Variants in NTRK2 observed in about 807,000 individuals in gnomAD.
NTRK2 encodes the protein neurotrophic receptor tyrosine kinase 2.
NTRK2 carries 13 observed loss-of-function variants against 94.5 expected under a neutral mutation model. The ratio of observed to expected loss-of-function variants is 0.14; its 90% confidence interval spans 0.09 to 0.22. The LOEUF (loss-of-function observed/expected upper bound fraction) is 0.22. Ranked by LOEUF, NTRK2 falls within the 10% of genes least tolerant of loss-of-function variation. The pLI is 1.00. For synonymous variants in NTRK2, 372 were observed against 407.4 expected, an observed-to-expected ratio of 0.91 and a Z score of 1.05; for missense variants, 639 against 1,071.2, an observed-to-expected ratio of 0.60 and a Z score of 5.63.
chr9:84,956,062 G>A (rs1032836826), intron 17 of NTRK2, among the ~76,000 whole-genome samples: 1 of 152,190 alleles, frequency 6.6e-6, no homozygotes, highest in South Asian at 2.1e-4. Context: ...GGGCCTGGGG[G>A]AATTCCTGGT....
chr9:85,022,117 T>C lies in NTRK2; in HGVS notation c.*680T>C, dbSNP rs1035005036. ...AGAAGATTTATTATGAACCGCAATA[T>C]GGGAGGAACAAAGACAACCACTGGG... is the stretch of plus-strand genomic sequence containing the variant. On this transcript the variant is annotated 3_prime_UTR_variant, in exon 19 of 19. Transcript: ENST00000277120. 2.6e-5 allele frequency: 6 copies of C among 233,330 alleles called. No homozygotes were observed. The highest frequency in any genetic ancestry group is 1.3e-4 in the African/African-American group (6 of 45,342). The allele number at this position is 233,330 out of a possible 1,614,324, so 14.5% of individuals were successfully genotyped here.
At chr9:84,759,979 A>G (rs980268506) in intron 12 of NTRK2, among the ~76,000 whole-genome samples, 3 of 152,338 alleles carry the variant, frequency 2.0e-5, no homozygotes, top group Middle Eastern at 3.4e-3. Context: ...CTAAATGACT[A>G]TGGGAATACA....
chr9:84,800,839 A>G (rs2070341582), intron 12 of NTRK2, among the ~76,000 whole-genome samples: 2 of 152,142 alleles, frequency 1.3e-5, no homozygotes, highest in Non-Finnish European at 2.9e-5. Flanking sequence ...AGGAACCTAA[A>G]GACTTCTTTC....
At chr9:84,943,949 T>C (rs527295361) in intron 15 of NTRK2, among the ~76,000 whole-genome samples, 48 of 152,160 alleles carry the variant, frequency 3.2e-4, no homozygotes, top group African/African-American at 1.1e-3. Context: ...AATTGAATCA[T>C]AATTTAGAAA....
chr9:84,743,876 G>A (rs1407563704), intron 10 of NTRK2, among the ~76,000 whole-genome samples: 2 of 152,178 alleles, frequency 1.3e-5, no homozygotes, highest in African/African-American at 4.8e-5. Context: ...TGAGAATGTG[G>A]TTTTGGCATT....
chr9:84,764,572 A>G (rs1330331137), intron 12 of NTRK2, among the ~76,000 whole-genome samples: 1 of 152,210 alleles, frequency 6.6e-6, no homozygotes, highest in Non-Finnish European at 1.5e-5. Context: ...TAGGATCACT[A>G]TATCAAAAAT....
chr9:84,777,677 A>C (rs1367525643), intron 12 of NTRK2, among the ~76,000 whole-genome samples: 2 of 152,138 alleles, frequency 1.3e-5, no homozygotes, highest in Non-Finnish European at 2.9e-5. Context: ...CGCGGTGTAA[A>C]CATTCCCACC....
intron 17 of NTRK2, among the ~76,000 whole-genome samples, chr9:84,969,068 C>T (rs1355272952): frequency 1.3e-5 from 2 of 152,208 alleles, no homozygotes; most frequent in African/African-American, 4.8e-5. Context: ...ACACTTCATG[C>T]ATTGTTGGTC....
chr9:84,821,359 G>A (rs2072816804), intron 12 of NTRK2, among the ~76,000 whole-genome samples: 1 of 151,704 alleles, frequency 6.6e-6, no homozygotes, highest in Non-Finnish European at 1.5e-5. Context: ...CTATGGAATA[G>A]GAATACCATG....
intron 15 of NTRK2, among the ~76,000 whole-genome samples, chr9:84,943,382 C>G (rs770869963): frequency 5.3e-5 from 8 of 152,168 alleles, no homozygotes; most frequent in Admixed American, 2.0e-4. Context: ...TTCACCAGCA[C>G]TAGTTTCTCA....
At chr9:84,836,483 G>A (rs1222529545) in intron 12 of NTRK2, among the ~76,000 whole-genome samples, 1 of 151,750 alleles carries the variant, frequency 6.6e-6, no homozygotes, top group Admixed American at 6.6e-5. Context: ...GGGAAAGTGG[G>A]ATGAGCAAGT....
intron 17 of NTRK2, among the ~76,000 whole-genome samples, chr9:85,008,879 G>A (rs1338389984): frequency 6.6e-6 from 1 of 152,184 alleles, no homozygotes; most frequent in Non-Finnish European, 1.5e-5. Flanking sequence ...TTTTCCTTAG[G>A]TCCCAGCCAT....
At chr9:84,736,218 TCA>T (rs1215413293) in intron 9 of NTRK2, among the ~76,000 whole-genome samples, 1 of 152,200 alleles carries the variant, frequency 6.6e-6, no homozygotes, top group Non-Finnish European at 1.5e-5. Flanking sequence ...AGGAAGAATG[TCA>T]CAGCTCAAGA....
At chr9:84,779,039 C>T (rs1237717928) in intron 12 of NTRK2, among the ~76,000 whole-genome samples, 1 of 152,178 alleles carries the variant, frequency 6.6e-6, no homozygotes, top group African/African-American at 2.4e-5. Context: ...ATTTGAGTGC[C>T]TCCTTCCCTC....
At chr9:84,707,786 C>A in intron 4 of NTRK2, 58 bp from the exon 5 acceptor site, 2 of 1,278,102 alleles carry the variant, frequency 1.6e-6, no homozygotes, top group Non-Finnish European at 2.3e-6. Context: ...TATTTGAATA[C>A]TGTGTTCCTA....
At chr9:84,955,732 C>T (rs1482398563) in intron 17 of NTRK2, 1 of 643,550 alleles carries the variant, frequency 1.6e-6, no homozygotes, top group Non-Finnish European at 2.8e-6. Flanking sequence ...TTGCAGGTGG[C>T]TGCCTTCTCA....
intron 14 of NTRK2, among the ~76,000 whole-genome samples, chr9:84,892,322 CAT>C (rs1248496377): frequency 6.6e-6 from 1 of 152,196 alleles, no homozygotes; most frequent in Non-Finnish European, 1.5e-5. Flanking sequence ...CTGTCTCTCA[CAT>C]CTTAAACCTT....
At chr9:84,878,063 G>A (rs1211541624) in intron 14 of NTRK2, among the ~76,000 whole-genome samples, 2 of 152,102 alleles carry the variant, frequency 1.3e-5, no homozygotes, top group African/African-American at 2.4e-5. Context: ...GGGTTTTCTC[G>A]AAGCAACTCC....
At chr9:84,832,750 C>T (rs540019855) in intron 12 of NTRK2, among the ~76,000 whole-genome samples, 1 of 152,304 alleles carries the variant, frequency 6.6e-6, no homozygotes, top group Admixed American at 6.5e-5. Flanking sequence ...TCTTCATTCA[C>T]CTCAGTATGA....
Sources: gnomAD v4.1 joint callset for allele counts (sites outside exome capture counted in the v4.1 genomes callset) on GRCh38, gnomAD v4.1.1 for gene constraint, MANE v1.5 for transcripts, NCBI Gene and HGNC (gene_info 2026-07-23, HGNC 2026-07-21) for gene names.